LILRB5: variants seen among roughly 807,000 people sequenced by gnomAD.
The protein encoded by LILRB5 is leukocyte immunoglobulin-like receptor subfamily B member 5.
In LILRB5, 61 loss-of-function variants were observed where a neutral mutation model predicts 68.4. The ratio of observed to expected loss-of-function variants is 0.89; its 90% CI spans 0.73 to 1.10. The LOEUF is 1.10. Ranked by LOEUF, LILRB5 falls within the 50% of genes least tolerant of loss-of-function variation. The pLI, the probability that LILRB5 is intolerant of heterozygous loss-of-function variation, is 0.00. For missense variants in LILRB5, 771 were observed against 751.6 expected (o/e 1.03, Z -0.30); for synonymous variants, 356 against 315.8 (o/e 1.13, Z -1.35).
At chr19:54,252,743 C>A in intron 9 of LILRB5, 128 bp downstream of exon 9, 1 of 1,055,254 alleles carries the variant, frequency 9.5e-7, no homozygotes, top group South Asian at 1.5e-5. Flanking sequence ...CTTTCTCGAT[C>A]GATTTTTCAC....
chr19:54,255,298 T>C lies in LILRB5; in HGVS notation c.940A>G (p.Ile314Val), dbSNP rs780043843. The C allele has an allele frequency of 1.9e-6, 3 of 1,613,264 alleles. No individual in the cohort carries two copies. Among genetic ancestry groups the C allele is most frequent in the Admixed American group, 1.7e-5 (1 of 59,998 alleles). The change falls in exon 5 of 13, where the codon ATC becomes GTC. Residue 314 changes from isoleucine to valine, a missense_variant. Coordinates refer to ENST00000449561, the MANE Select transcript of LILRB5 (RefSeq NM_001081442.3). ...RWSAPSDPLD[I>V]LIAGLIPDIP... Reference sequence around the variant, plus strand: ...CTGGGCTCCTCACCTGCGATCAGGATGTCCAGGGGGTCGCTGGGGGCCGAC... The same window carrying C: ...CTGGGCTCCTCACCTGCGATCAGGACGTCCAGGGGGTCGCTGGGGGCCGAC...
chr19:54,254,439 G>A (rs1309086565), intron 6 of LILRB5, 24 bp from the exon 7 acceptor site: 3 of 1,569,374 alleles, frequency 1.9e-6, no homozygotes, highest in African/African-American at 1.4e-5. Context: ...CAGAAAGGGA[G>A]CGAGGCGCTT....
intron 8 of LILRB5, 49 bp downstream of exon 8, chr19:54,253,969 C>A: frequency 6.4e-7 from 1 of 1,560,880 alleles, no homozygotes; most frequent in East Asian, 2.4e-5. Context: ...GAACCCACCC[C>A]TGCCTCCCCT....
rs769434013 is a variant in LILRB5, at chr19:54,252,995, G to T, written c.1358-8C>A. ...CCAGGTGCCTTCCCAGACCTTGAGCGTGATGACGTTGGGAATGGGGATGAC... is the reference window on the plus strand; with the variant it reads ...CCAGGTGCCTTCCCAGACCTTGAGCTTGATGACGTTGGGAATGGGGATGAC... On this transcript the variant is annotated splice_region_variant and splice_polypyrimidine_tract_variant and intron_variant, in intron 8 of 12. Transcript: ENST00000449561. 12 of 1,537,506 alleles carry T rather than the reference G, an allele frequency of 7.8e-6. 1 individual carries two copies. The highest frequency in any genetic ancestry group is 1.8e-4 in the Middle Eastern group (1 of 5,690).
At chr19:54,251,575 T>C in intron 12 of LILRB5, 1 of 563,408 alleles carries the variant, frequency 1.8e-6, no homozygotes, top group Middle Eastern at 2.8e-4. Flanking sequence ...CCCTGGTTTA[T>C]GTTCCTTACA....
In LILRB5 at chr19:54,251,889, C is replaced by T. The variant is rs558202307; in HGVS notation, c.1629+165G>A. ...GGAGGAGGCCCACGAGGTCCCAGGA[C>T]AGCAGAAGAGAGTGAGGTCGCAGCA... On this transcript the variant is annotated intron_variant, in intron 12 of 12. Coordinates refer to ENST00000449561, the MANE Select transcript of LILRB5 (RefSeq NM_001081442.3). The T allele has an allele frequency of 4.2e-5, 35 of 829,696 alleles. No homozygotes were observed. The South Asian group carries it at 4.3e-4, about 10-fold the overall frequency. 51.4% of individuals were successfully genotyped at this position (829,696 alleles called of 1,614,324 possible).
intron 2 of LILRB5, 39 bp from the exon 3 acceptor site, chr19:54,256,812 A>G (rs1015563002): frequency 1.9e-6 from 3 of 1,610,960 alleles, no homozygotes; most frequent in Admixed American, 1.7e-5. Flanking sequence ...AGACATCCCC[A>G]TCCCTCAGAT....
At chr19:54,253,645 AG>A (rs1407967269) in intron 8 of LILRB5, 2 of 587,584 alleles carry the variant, frequency 3.4e-6, no homozygotes, top group South Asian at 2.0e-5. Context: ...CAGAGTAGAA[AG>A]TTGACCTGCC....
At chr19:54,255,994 C>T in intron 4 of LILRB5, 49 bp downstream of exon 4, 1 of 1,435,920 alleles carries the variant, frequency 7.0e-7, no homozygotes, top group East Asian at 2.3e-5. Flanking sequence ...CTCCCAACAA[C>T]CTATCTGGTT....
At chr19:54,251,022 T>TCTGTCTGTCCTCTTCCAC in intron 12 of LILRB5, 90 bp from the exon 13 acceptor site, 1 of 1,606,874 alleles carries the variant, frequency 6.2e-7, no homozygotes, top group Non-Finnish European at 8.5e-7. Flanking sequence ...TCAGTGTCCA[T>TCTGTCTGTCCTCTTCCAC]CTGTCTGTCC....
In LILRB5 at chr19:54,256,683, T is replaced by C. The variant is rs1240317564; in HGVS notation, c.161A>G (p.Glu54Gly). 1.2e-6 allele frequency: 2 copies of C among 1,614,028 alleles called. No homozygotes were observed. Among genetic ancestry groups the C allele is most frequent in the Non-Finnish European group, 1.7e-6 (2 of 1,179,984 alleles). ...CTTATCCAGACGGTACTCCTCAGTC[T>C]CCAGGGGCCCCTGACACCAGAGGGT... ...PVTLWCQGPL[E>G]TEEYRLDKEG... Residue 54 changes from glutamate to glycine, a missense_variant, in exon 3 of 13, where the codon GAG (glutamate) becomes GGG (glycine). Transcript: ENST00000449561.
At position 54,250,484 on chromosome 19, in the gene LILRB5, T is replaced by C. The variant is rs1342855791; in HGVS notation, c.*302A>G. On this transcript the variant is annotated 3_prime_UTR_variant, in exon 13 of 13. Coordinates refer to ENST00000449561, the MANE Select transcript of LILRB5 (RefSeq NM_001081442.3). Reference sequence around the variant, plus strand: ...GCTCATTTGTAGTTTTCCGATTTCATCATTTAATGTGTAATATTTACATTA... The same window carrying C: ...GCTCATTTGTAGTTTTCCGATTTCACCATTTAATGTGTAATATTTACATTA... 18 of 368,740 alleles carry C rather than the reference T, an allele frequency of 4.9e-5. No individual in the cohort carries two copies. In the East Asian group the frequency reaches 7.4e-4, roughly 15 times the overall value. The allele number at this position is 368,740 out of a possible 1,614,324, so 22.8% of individuals were successfully genotyped here. A position where few individuals can be genotyped will look rare whatever the true frequency, so the allele number is the denominator to read the frequency against.
rs564549152 is a variant in LILRB5 at position 54,256,746 on chromosome 19, G to C, written c.98C>G (p.Ala33Gly). The change falls in exon 3 of 13, where the codon GCT becomes GGT. Residue 33 changes from alanine (A) to glycine (G), a missense_variant. Ala to Gly is a moderately conservative substitution (Grantham distance 60, BLOSUM62 0). Coordinates refer to ENST00000449561, the MANE Select transcript of LILRB5 (RefSeq NM_001081442.3). ...AGTLPKPTLW[A>G]EPASVIARGK... ...CCGAGCTATCACAGAGGCTGGCTCA[G>C]CCCAGAGGGTGGGTTTGGGGAGGGT... The C allele has an allele frequency of 1.2e-6, 2 of 1,614,068 alleles. No individual in the cohort carries two copies. The highest frequency in any genetic ancestry group is 2.2e-5 in the South Asian group (2 of 91,084).
intron 4 of LILRB5, 70 bp from the exon 5 acceptor site, chr19:54,255,652 C>G: frequency 1.3e-6 from 2 of 1,492,756 alleles, no homozygotes; most frequent in Non-Finnish European, 1.8e-6. Context: ...CCCGTCCTGG[C>G]GTCCTGGCCC....
Position 54,256,263 on chromosome 19 carries a change from A to G in LILRB5, c.435T>C (p.Asp145=). Residue 145 remains aspartate, a synonymous_variant, in exon 4 of 13, where the codon GAT becomes GAC. Coordinates refer to ENST00000449561, the MANE Select transcript of LILRB5 (RefSeq NM_001081442.3). The part of the protein sequence containing the change: ...ASGGNVTLQC[D]TLDGLLTFVL... ...CAAACGTGAGAAGTCCGTCCAGTGTATCACACTGGAGGGTCACATTTCCTC... is the reference window on the plus strand; with the variant it reads ...CAAACGTGAGAAGTCCGTCCAGTGTGTCACACTGGAGGGTCACATTTCCTC... 1 of 1,613,186 alleles carries G rather than the reference A, an allele frequency of 6.2e-7. No homozygotes were observed. The highest frequency in any genetic ancestry group is 8.5e-7 in the Non-Finnish European group (1 of 1,179,332).
At position 54,250,097 on chromosome 19, in the gene LILRB5, G is replaced by A. The variant is rs148382325; in HGVS notation, c.*689C>T. 1 of 152,384 alleles carries A rather than the reference G, an allele frequency of 6.6e-6. No homozygotes were observed. The highest frequency in any genetic ancestry group is 2.4e-5 in the African/African-American group (1 of 41,436). The allele number at this position is 152,384 out of a possible 1,614,324, so 9.4% of individuals were successfully genotyped here. Reference sequence around the variant, plus strand: ...ACCAAGACAAATCCCCTTGACACAAGTTTATCTGTCTAACAAACCTGCACA... The same window carrying A: ...ACCAAGACAAATCCCCTTGACACAAATTTATCTGTCTAACAAACCTGCACA... On this transcript the variant is annotated 3_prime_UTR_variant, in exon 13 of 13. Coordinates refer to ENST00000449561, the MANE Select transcript of LILRB5 (RefSeq NM_001081442.3).
chr19:54,254,189 T>C, intron 7 of LILRB5, 121 bp from the exon 8 acceptor site: 1 of 1,501,842 alleles, frequency 6.7e-7, no homozygotes, highest in South Asian at 1.3e-5. Context: ...GCCCGCCCCC[T>C]CACCGGCCCA....
At chr19:54,251,475 A>G (rs1479619523) in intron 12 of LILRB5, 1 of 530,240 alleles carries the variant, frequency 1.9e-6, no homozygotes, top group Non-Finnish European at 3.5e-6. Flanking sequence ...CGTGTGCCCC[A>G]CTCTGTCCAG....
chr19:54,253,954 C>T (rs537971878), intron 8 of LILRB5, 64 bp downstream of exon 8: 46 of 1,554,722 alleles, frequency 3.0e-5, no homozygotes, highest in East Asian at 2.4e-4. Flanking sequence ...CCTGAACCTA[C>T]GACAGAACCC....
Sources: allele counts gnomAD v4.1 joint callset, GRCh38; gene constraint gnomAD v4.1.1; transcripts MANE v1.5; gene names NCBI Gene and HGNC (gene_info 2026-07-23, HGNC 2026-07-21).